Variants in IKZF2 observed in about 807,000 individuals in gnomAD.
IKZF2 encodes the protein zinc finger protein Helios.
A neutral mutation model predicts 49.2 loss-of-function variants in IKZF2; 15 were observed. The observed-to-expected ratio is 0.30, with a 90% confidence interval of 0.20 to 0.47. The LOEUF is 0.47. Ranked by LOEUF, IKZF2 falls within the 20% of genes least tolerant of loss-of-function variation. The pLI is 1.00. For missense variants in IKZF2, 567 were observed against 664.6 expected (o/e 0.85, Z 1.61); for synonymous variants, 227 against 221.4 (o/e 1.03, Z -0.23).
At chr2:213,150,478 G>GTCC (rs376947145) in intron 1 of IKZF2, 4 of 100,296 alleles carry the variant, frequency 4.0e-5, no homozygotes, top group Admixed American at 2.2e-4. Context: ...CCTCCTCCTC[G>GTCC]TCCTCCTCCT....
At chr2:213,093,637 G>A (rs1413723675) in intron 4 of IKZF2, among the ~76,000 whole-genome samples, 1 of 152,094 alleles carries the variant, frequency 6.6e-6, no homozygotes. Flanking sequence ...TATAAGGATA[G>A]AGCCTTGTCT....
intron 4 of IKZF2, among the ~76,000 whole-genome samples, chr2:213,068,706 T>C (rs185131271): frequency 6.6e-6 from 1 of 152,178 alleles, no homozygotes; most frequent in East Asian, 1.9e-4. Context: ...TTTCTGAGGG[T>C]CATAGGTAAA....
At position 213,134,350 on chromosome 2, in the gene IKZF2, A is replaced by G. The variant is rs551351272; in HGVS notation, c.139+13358T>C. Among the ~76,000 whole-genome samples, 11 of 152,316 alleles carry G rather than the reference A, an allele frequency of 7.2e-5. No individual in the cohort carries two copies. In the South Asian group the frequency reaches 2.3e-3, roughly 32 times the overall value. On this transcript the variant is annotated intron_variant, in intron 4 of 8. Transcript: ENST00000434687. ...CCCCTTCCAATCTCCTTTCCCACTA[A>G]ACTAAAGTAAAAAGACAACTGAGGG...
intron 4 of IKZF2, among the ~76,000 whole-genome samples, chr2:213,061,251 C>G (rs1248289134): frequency 2.6e-5 from 4 of 151,394 alleles, no homozygotes; most frequent in Non-Finnish European, 5.9e-5. Flanking sequence ...CTTCCAGATA[C>G]ATAATAGTGA....
At chr2:213,049,986 T>C in intron 5 of IKZF2, 106 bp from the exon 6 acceptor site, 1 of 727,402 alleles carries the variant, frequency 1.4e-6, no homozygotes, top group Non-Finnish European at 2.0e-6. Flanking sequence ...AAAATGTTCA[T>C]CTCCCTCATA....
At chr2:213,106,234 T>C (rs2059521541) in intron 4 of IKZF2, among the ~76,000 whole-genome samples, 1 of 152,044 alleles carries the variant, frequency 6.6e-6, no homozygotes, top group Admixed American at 6.6e-5. Context: ...TAAAAAAATC[T>C]CTTTTGTGGT....
At chr2:213,145,491 C>T (rs41437644) in intron 4 of IKZF2, among the ~76,000 whole-genome samples, 2,143 of 152,026 alleles carry the variant, frequency 0.014, 24 homozygotes, top group Middle Eastern at 0.02. Flanking sequence ...TTTGACAGGC[C>T]AGATGCACAC....
At chr2:213,090,808 G>A (rs1364380935) in intron 4 of IKZF2, among the ~76,000 whole-genome samples, 1 of 152,142 alleles carries the variant, frequency 6.6e-6, no homozygotes, top group Non-Finnish European at 1.5e-5. Flanking sequence ...GCAGCCAGGG[G>A]AGAGGGACAT....
At chr2:213,045,633 T>C (rs2125302082) in intron 6 of IKZF2, among the ~76,000 whole-genome samples, 1 of 152,314 alleles carries the variant, frequency 6.6e-6, no homozygotes, top group African/African-American at 2.4e-5. Flanking sequence ...AGATATATGC[T>C]ATAGAATAGG....
chr2:213,008,041 A>G lies in IKZF2; in HGVS notation c.900T>C (p.Asp300=). 2 of 1,612,486 alleles carry G rather than the reference A, an allele frequency of 1.2e-6. No individual in the cohort carries two copies. The highest frequency in any genetic ancestry group is 2.2e-5 in the South Asian group (2 of 90,966). Residue 300 remains aspartate (D), a synonymous_variant, in exon 9 of 9, where the codon GAT becomes GAC. Coordinates refer to ENST00000434687, the MANE Select transcript of IKZF2 (RefSeq NM_001387220.1). ...MRFSYPDIHF[D]MNLTYEKEAE... is the part of the protein sequence containing the mutation. ...CCTCCTTCTCATATGTTAAGTTCAT[A>G]TCAAAGTGAATATCTGGGTAGCTGA...
intron 4 of IKZF2, among the ~76,000 whole-genome samples, chr2:213,083,384 CTTTTT>C (rs753296985): frequency 2.5e-5 from 2 of 80,160 alleles, no homozygotes; most frequent in African/African-American, 1.2e-4. Flanking sequence ...GACGGCGAAC[CTTTTT>C]TTTTTTTTTT....
upstream of IKZF2, among the ~76,000 whole-genome samples, chr2:213,151,835 G>A (rs1156805100): frequency 3.3e-5 from 5 of 149,348 alleles, no homozygotes; most frequent in Admixed American, 6.7e-5. Flanking sequence ...GCGCCTGTGC[G>A]TGTGTGTATG....
intron 6 of IKZF2, among the ~76,000 whole-genome samples, chr2:213,026,626 T>G (rs1199233783): frequency 4.6e-5 from 7 of 152,144 alleles, no homozygotes; most frequent in Non-Finnish European, 1.0e-4. Flanking sequence ...TAAAATTTTT[T>G]TAATCACCAG....
chr2:213,021,931 T>TTTTTATCA, intron 7 of IKZF2, 62 bp downstream of exon 7: 1 of 1,528,480 alleles, frequency 6.5e-7, no homozygotes, highest in Non-Finnish European at 8.8e-7. Flanking sequence ...AGATTTTATC[T>TTTTTATCA]TCATGTTGAA....
chr2:213,096,288 A>C (rs1470203536), intron 4 of IKZF2, among the ~76,000 whole-genome samples: 1 of 152,028 alleles, frequency 6.6e-6, no homozygotes, highest in Non-Finnish European at 1.5e-5. Flanking sequence ...GCTGCTAACT[A>C]TAGGTAAAAA....
chr2:213,089,455 A>T (rs920791150), intron 4 of IKZF2, among the ~76,000 whole-genome samples: 5 of 152,118 alleles, frequency 3.3e-5, no homozygotes, highest in African/African-American at 1.2e-4. Context: ...ATAATTTATG[A>T]AATATATGAT....
chr2:213,136,370 C>CAA (rs11325415), intron 4 of IKZF2, among the ~76,000 whole-genome samples: 844 of 53,520 alleles, frequency 0.016, 35 homozygotes, highest in African/African-American at 0.018. Flanking sequence ...GACACTGTCT[C>CAA]AAAAAAAAAA....
chr2:213,046,895 G>A (rs1291891552), intron 6 of IKZF2, among the ~76,000 whole-genome samples: 2 of 151,958 alleles, frequency 1.3e-5, no homozygotes, highest in Non-Finnish European at 2.9e-5. Context: ...TGGGAGTAGG[G>A]ACACAGAAAC....
Position 213,041,349 on chromosome 2 carries a change from G to C in IKZF2, c.574+8364C>G, listed in dbSNP as rs538969188. Among the ~76,000 whole-genome samples, 31 of 149,562 alleles carry C rather than the reference G, an allele frequency of 2.1e-4. No homozygotes were observed. The East Asian group carries it at 3.7e-3, about 18-fold the overall frequency. ...ACTGTAATCTTTTTTTGGGGGGGGTGGGAGGATGGAGTTTCGCTCTGTCAC... is the reference window on the plus strand; with the variant it reads ...ACTGTAATCTTTTTTTGGGGGGGGTCGGAGGATGGAGTTTCGCTCTGTCAC... On this transcript the variant is annotated intron_variant, in intron 6 of 8. Transcript: ENST00000434687.
Sources: gnomAD v4.1 joint callset for allele counts (sites outside exome capture counted in the v4.1 genomes callset) on GRCh38, gnomAD v4.1.1 for gene constraint, MANE v1.5 for transcripts, NCBI Gene and HGNC (gene_info 2026-07-23, HGNC 2026-07-21) for gene names.